ASRGL1: variants seen among roughly 807,000 people sequenced by gnomAD.
ASRGL1 encodes asparaginase and isoaspartyl peptidase 1.
A neutral mutation model predicts 22.4 loss-of-function variants in ASRGL1; 16 were observed. That is an observed-to-expected ratio of 0.71 (90% CI 0.48 to 1.08). The LOEUF is 1.08. Ranked by LOEUF, ASRGL1 falls within the 50% of genes least tolerant of loss-of-function variation. The pLI is 0.00. For synonymous variants in ASRGL1, 165 were observed against 159.3 expected (o/e 1.04, Z -0.27); for missense variants, 412 against 410.1 (o/e 1.00, Z -0.04).
intron 4 of ASRGL1, among the ~76,000 whole-genome samples, chr11:62,387,432 G>A (rs1295815615): frequency 6.6e-6 from 1 of 152,216 alleles, no homozygotes; most frequent in African/African-American, 2.4e-5. Context: ...TAACTAGTGT[G>A]TATGGTCACC....
intron 4 of ASRGL1, among the ~76,000 whole-genome samples, chr11:62,380,031 C>G (rs1008111164): frequency 6.6e-6 from 1 of 151,966 alleles, no homozygotes. Context: ...TGAGGCTGGG[C>G]AATTCTTTTT....
At chr11:62,398,857 T>A in the ASRGL1 span, among the ~76,000 whole-genome samples, 1 of 152,208 alleles carries the variant, frequency 6.6e-6, no homozygotes, top group African/African-American at 2.4e-5. Context: ...CCAAGCCCTT[T>A]CCCTGTCTTC....
At chr11:62,395,221 G>A (rs1404820927), downstream of ASRGL1, among the ~76,000 whole-genome samples, 3 of 152,192 alleles carry the variant, frequency 2.0e-5, no homozygotes, top group East Asian at 1.9e-4. Flanking sequence ...GTGGAAGCTC[G>A]CTCTGCCCTG....
chr11:62,397,588 C>T (rs539220790), downstream of ASRGL1, among the ~76,000 whole-genome samples: 195 of 149,358 alleles, frequency 1.3e-3, no homozygotes, highest in African/African-American at 4.0e-3. Context: ...CACTTGAACC[C>T]GGAAGGTGGA....
chr11:62,396,814 T>C (rs1375047734), downstream of ASRGL1, among the ~76,000 whole-genome samples: 1 of 152,130 alleles, frequency 6.6e-6, no homozygotes, highest in Non-Finnish European at 1.5e-5. Context: ...GAGTTAACTT[T>C]TTTGCTATGC....
At chr11:62,372,311 G>A in intron 4 of ASRGL1, 1 of 1,603,114 alleles carries the variant, frequency 6.2e-7, no homozygotes, top group Non-Finnish European at 8.5e-7. Flanking sequence ...TGGGGCAGCT[G>A]GGCCTTGGCA....
Position 62,392,285 on chromosome 11 carries a change from G to A in ASRGL1, c.*1G>A. On this transcript the variant is annotated 3_prime_UTR_variant, in exon 7 of 7. Transcript: ENST00000415229. ...TACTACTATCACCGACCTTCCCTAA[G>A]CCGCTGGAAGATTGTATTCCAGATG... 3 of 1,613,254 alleles carry A rather than the reference G, an allele frequency of 1.9e-6. No individual in the cohort carries two copies. The highest frequency in any genetic ancestry group is 1.7e-6 in the Non-Finnish European group (2 of 1,179,984).
chr11:62,371,861 G>A (rs1946776310), intron 4 of ASRGL1: 1 of 537,096 alleles, frequency 1.9e-6, no homozygotes. Flanking sequence ...GGCTGAGGCA[G>A]GAGAATGGCG....
intron 2 of ASRGL1, among the ~76,000 whole-genome samples, chr11:62,350,884 A>G (rs1260116640): frequency 1.3e-5 from 2 of 152,200 alleles, no homozygotes; most frequent in African/African-American, 2.4e-5. Flanking sequence ...AATTACTGAT[A>G]TGTTGAGATT....
intron 4 of ASRGL1, among the ~76,000 whole-genome samples, chr11:62,365,029 G>A (rs1364188149): frequency 3.4e-5 from 5 of 148,308 alleles, no homozygotes; most frequent in Admixed American, 2.7e-4. Flanking sequence ...AGACCACGCT[G>A]TTGCACTGCA....
downstream of ASRGL1, among the ~76,000 whole-genome samples, chr11:62,396,030 C>T (rs931898768): frequency 5.3e-5 from 8 of 151,856 alleles, no homozygotes; most frequent in Non-Finnish European, 8.8e-5. Context: ...CACCTCGGCC[C>T]CCCAAAGTGC....
downstream of ASRGL1, chr11:62,393,526 T>G (rs1006190356): frequency 2.0e-5 from 3 of 152,166 alleles, no homozygotes; most frequent in African/African-American, 7.2e-5. Flanking sequence ...GAGGGTGATA[T>G]GTGCCACCTT....
At chr11:62,374,959 GTC>G (rs1159096237) in intron 4 of ASRGL1, among the ~76,000 whole-genome samples, 1 of 152,042 alleles carries the variant, frequency 6.6e-6, no homozygotes, top group Admixed American at 6.5e-5. Flanking sequence ...AACCCTTGAG[GTC>G]TCTCCTTTGA....
intron 4 of ASRGL1, chr11:62,371,725 G>A (rs973940687): frequency 1.7e-4 from 95 of 567,308 alleles, no homozygotes; most frequent in Non-Finnish European, 3.1e-4. Flanking sequence ...GGCCGAGGCG[G>A]GCAGATCACA....
intron 4 of ASRGL1, among the ~76,000 whole-genome samples, chr11:62,369,594 A>T (rs1455665173): frequency 1.3e-5 from 2 of 152,172 alleles, no homozygotes; most frequent in Non-Finnish European, 2.9e-5. Flanking sequence ...ATTTACAATA[A>T]TAGTACTTCC....
Position 62,392,110 on chromosome 11 carries a change from G to A in ASRGL1, c.753G>A (p.Ser251=), listed in dbSNP as rs149188142. 4,407 of 1,614,200 alleles carry A rather than the reference G, an allele frequency of 2.7e-3. 14 individuals are homozygous for A. Among genetic ancestry groups the A allele is most frequent in the Non-Finnish European group, 3.3e-3 (3,924 of 1,180,040 alleles). Reference sequence around the variant, plus strand: ...CGGTAGAAGAGGCTGCGGACCTATCGTTGGGTTATATGAAGTCAAGGGTTA... The same window carrying A: ...CGGTAGAAGAGGCTGCGGACCTATCATTGGGTTATATGAAGTCAAGGGTTA... ...GKTVEEAADL[S]LGYMKSRVKG... is the part of the protein sequence containing the mutation. Residue 251 remains serine, a synonymous_variant, in exon 7 of 7, where the codon TCG becomes TCA. Transcript: ENST00000415229.
At chr11:62,348,714 AAAAG>A (rs1946095105) in intron 2 of ASRGL1, among the ~76,000 whole-genome samples, 1 of 151,920 alleles carries the variant, frequency 6.6e-6, no homozygotes, top group South Asian at 2.1e-4. Flanking sequence ...AAGAAAAAAA[AAAAG>A]AAATGTAAAA....
chr11:62,390,750 A>G (rs558862752), intron 5 of ASRGL1, among the ~76,000 whole-genome samples: 157 of 152,320 alleles, frequency 1.0e-3, no homozygotes, highest in African/African-American at 3.7e-3. Context: ...TGACAATCCA[A>G]TGCAGCATCT....
intron 4 of ASRGL1, among the ~76,000 whole-genome samples, chr11:62,367,202 G>A (rs1227704936): frequency 6.6e-6 from 1 of 152,112 alleles, no homozygotes; most frequent in Non-Finnish European, 1.5e-5. Context: ...GCCGGGCATG[G>A]TGGTAGGTAC....
Sources: gnomAD v4.1 joint callset for allele counts (sites outside exome capture counted in the v4.1 genomes callset) on GRCh38, gnomAD v4.1.1 for gene constraint, MANE v1.5 for transcripts, NCBI Gene and HGNC (gene_info 2026-07-23, HGNC 2026-07-21) for gene names.